VANGL1: variants seen among roughly 807,000 people sequenced by gnomAD.
The protein encoded by VANGL1 is vang-like protein 1.
VANGL1 carries 18 observed loss-of-function variants against 48.4 expected under a neutral mutation model. The observed-to-expected ratio is 0.37, with a 90% CI of 0.26 to 0.55. The LOEUF (loss-of-function observed/expected upper bound fraction) is 0.55. Among genes scored for constraint, VANGL1 ranks in the 20% least tolerant of loss-of-function variants. The pLI is 0.81. For synonymous variants in VANGL1, 257 were observed against 261.8 expected (o/e 0.98, Z 0.18); for missense variants, 667 against 675.8 (o/e 0.99, Z 0.14).
chr1:115,656,793 C>T (rs1441216859), intron 2 of VANGL1, among the ~76,000 whole-genome samples: 3 of 152,220 alleles, frequency 2.0e-5, no homozygotes, highest in South Asian at 4.1e-4. Flanking sequence ...CACCTGCTTT[C>T]TGCCCTGGTA....
chr1:115,674,268 G>A (rs189113918), intron 4 of VANGL1, among the ~76,000 whole-genome samples: 2,288 of 152,246 alleles, frequency 0.015, 58 homozygotes, highest in African/African-American at 0.052. Flanking sequence ...CTCTTCTCCT[G>A]GTGTACATGT....
Position 115,664,219 on chromosome 1 carries a change from G to C in VANGL1, c.763G>C (p.Val255Leu). The C allele has an allele frequency of 2.5e-6, 4 of 1,614,068 alleles. No individual in the cohort carries two copies. In the South Asian group the frequency reaches 3.3e-5, roughly 13 times the overall value. ...GCAGCCCATGTTCACGCTGCAGGTGGTCCGCTCCACCGATGGCGAGTCCCG... is the reference window on the plus strand; with the variant it reads ...GCAGCCCATGTTCACGCTGCAGGTGCTCCGCTCCACCGATGGCGAGTCCCG... ...QLQPMFTLQV[V>L]RSTDGESRFY... Residue 255 changes from valine to leucine, a missense_variant, in exon 4 of 8, where the codon GTC becomes CTC. Coordinates refer to ENST00000355485, the MANE Select transcript of VANGL1 (RefSeq NM_138959.3).
chr1:115,645,132 A>G (rs1651868375), intron 1 of VANGL1, among the ~76,000 whole-genome samples: 1 of 152,138 alleles, frequency 6.6e-6, no homozygotes, highest in African/African-American at 2.4e-5. Context: ...AAACCCACTA[A>G]AACACACACG....
chr1:115,666,194 T>C (rs550201201), intron 4 of VANGL1, among the ~76,000 whole-genome samples: 2 of 152,296 alleles, frequency 1.3e-5, no homozygotes, highest in South Asian at 2.1e-4. Context: ...GGTTTTGTTT[T>C]TTGGCCCTTA....
intron 7 of VANGL1, among the ~76,000 whole-genome samples, chr1:115,685,837 C>G (rs1016070115): frequency 2.6e-5 from 4 of 152,046 alleles, no homozygotes; most frequent in African/African-American, 9.7e-5. Flanking sequence ...TGAACTGATT[C>G]ATTCTAACCT....
rs991001647 is a variant in VANGL1 at position 115,695,215 on chromosome 1, C to A, written c.*3836C>A. ...ACCCTGGAAGCCTTACTAGATATTT[C>A]TTAAGGTAACTTAAAAATTGGGCTT... On this transcript the variant is annotated 3_prime_UTR_variant, in exon 8 of 8. Coordinates refer to ENST00000355485, the MANE Select transcript of VANGL1 (RefSeq NM_138959.3). 1.3e-5 allele frequency: 2 copies of A among 152,512 alleles called. No individual in the cohort carries two copies. The highest frequency in any genetic ancestry group is 2.9e-5 in the Non-Finnish European group (2 of 68,012). 9.4% of individuals were successfully genotyped at this position (152,512 alleles called of 1,614,324 possible). A position where few individuals can be genotyped will look rare whatever the true frequency, so the allele number is the denominator to read the frequency against.
rs756946644 is a variant in VANGL1, at chr1:115,687,938, G to GTAGGTAGATAGA, written c.1314+2414_1314+2415insGTAGATAGATAG. 2.2e-3 allele frequency among the ~76,000 whole-genome samples: 249 copies of GTAGGTAGATAGA among 112,704 alleles called. 29 individuals are homozygous for GTAGGTAGATAGA. Among genetic ancestry groups the GTAGGTAGATAGA allele is most frequent in the Middle Eastern group, 4.7e-3 (1 of 212 alleles). The allele number at this position is 112,704 out of a possible 152,430, so 73.9% of individuals were successfully genotyped here. ...CCGGCCTATATATATCATTCATTAG[G>GTAGGTAGATAGA]TAGATAGATAGATAGATAGATAGAT... On this transcript the variant is annotated intron_variant, in intron 7 of 7. Coordinates refer to ENST00000355485, the MANE Select transcript of VANGL1 (RefSeq NM_138959.3).
At chr1:115,673,941 A>G (rs1212374448) in intron 4 of VANGL1, among the ~76,000 whole-genome samples, 1 of 152,070 alleles carries the variant, frequency 6.6e-6, no homozygotes, top group Non-Finnish European at 1.5e-5. Context: ...CTCTACCTTA[A>G]CTAAACATAA....
intron 2 of VANGL1, among the ~76,000 whole-genome samples, chr1:115,651,772 T>G (rs1652155095): frequency 6.6e-6 from 1 of 152,176 alleles, no homozygotes. Flanking sequence ...TTTTTTTTTT[T>G]TTGAGACGGA....
At chr1:115,674,228 C>CA (rs1653085688) in intron 4 of VANGL1, among the ~76,000 whole-genome samples, 1 of 152,192 alleles carries the variant, frequency 6.6e-6, no homozygotes, top group Non-Finnish European at 1.5e-5. Context: ...GCTTTGCCCC[C>CA]ACTGTGGATT....
chr1:115,694,143 G>C lies in VANGL1; in HGVS notation c.*2764G>C, dbSNP rs1653949469. On this transcript the variant is annotated 3_prime_UTR_variant, in exon 8 of 8. Transcript: ENST00000355485. ...AAAAAGTTCTGTATGCATTCTCAGA[G>C]AGGATTTTAAAGCTATATAGTTCAT... The C allele has an allele frequency of 6.6e-6, 1 of 152,214 alleles. No homozygotes were observed. Among genetic ancestry groups the C allele is most frequent in the Non-Finnish European group, 1.5e-5 (1 of 68,038 alleles). 9.4% of individuals were successfully genotyped at this position (152,214 alleles called of 1,614,324 possible).
intron 4 of VANGL1, among the ~76,000 whole-genome samples, chr1:115,666,038 G>A (rs1168182505): frequency 1.3e-5 from 2 of 152,224 alleles, no homozygotes; most frequent in Non-Finnish European, 2.9e-5. Flanking sequence ...ATAAAGCCGA[G>A]CAGGAGACAG....
At chr1:115,655,184 A>C (rs1000681737) in intron 2 of VANGL1, among the ~76,000 whole-genome samples, 10 of 152,184 alleles carry the variant, frequency 6.6e-5, no homozygotes, top group African/African-American at 2.4e-4. Flanking sequence ...GCAGAGAGAA[A>C]GGACGGGTCG....
Position 115,691,213 on chromosome 1 carries a change from C to G in VANGL1, c.1409C>G (p.Ala470Gly), listed in dbSNP as rs1479609166. The stretch of plus-strand genomic sequence containing the variant: ...CAGTGGAGGCTTGTCAGTGATGAGG[C>G]TGTGACTAATGGATTACGGGATGGA... ...STQWRLVSDE[A>G]VTNGLRDGIV... The change falls in exon 8 of 8, where the codon GCT (alanine) becomes GGT (glycine). Residue 470 changes from alanine to glycine, a missense_variant. Transcript: ENST00000355485. The G allele has an allele frequency of 2.5e-6, 4 of 1,613,862 alleles. No homozygotes were observed. The highest frequency in any genetic ancestry group is 3.4e-6 in the Non-Finnish European group (4 of 1,179,780).
chr1:115,659,888 A>C (rs1375932769), intron 3 of VANGL1, 115 bp downstream of exon 3: 1 of 1,415,422 alleles, frequency 7.1e-7, no homozygotes, highest in African/African-American at 1.4e-5. Context: ...CATGCTAATT[A>C]GTTTATCTAT....
rs758450631 is a variant in VANGL1, at chr1:115,664,015, G to T, written c.559G>T (p.Ala187Ser). ...CATGCCACGGGTGTTTGTGTTTCGT[G>T]CCCTTTTGTTGGTCCTCATCTTTCT... The part of the protein sequence containing the change: ...ADMPRVFVFR[A>S]LLLVLIFLFV... Residue 187 changes from alanine to serine, a missense_variant, in exon 4 of 8, where the codon GCC (alanine) becomes TCC (serine). Ala to Ser is a moderately conservative substitution (Grantham distance 99). Coordinates refer to ENST00000355485, the MANE Select transcript of VANGL1 (RefSeq NM_138959.3). The T allele has an allele frequency of 1.9e-6, 3 of 1,614,166 alleles. No homozygotes were observed. The highest frequency in any genetic ancestry group is 1.1e-5 in the South Asian group (1 of 91,070).
At chr1:115,655,167 G>C (rs989623558) in intron 2 of VANGL1, among the ~76,000 whole-genome samples, 6 of 152,170 alleles carry the variant, frequency 3.9e-5, no homozygotes, top group African/African-American at 1.2e-4. Context: ...CCGGGCCCCA[G>C]CAGCCAGCAG....
At chr1:115,684,578 G>A (rs1282840789) in intron 6 of VANGL1, among the ~76,000 whole-genome samples, 2 of 152,168 alleles carry the variant, frequency 1.3e-5, no homozygotes, top group Non-Finnish European at 2.9e-5. Flanking sequence ...TCACTGGGAG[G>A]GCTGTTCAAA....
intron 4 of VANGL1, among the ~76,000 whole-genome samples, chr1:115,669,474 A>G (rs1387368303): frequency 1.3e-5 from 2 of 152,200 alleles, no homozygotes; most frequent in African/African-American, 2.4e-5. Context: ...TATAGCTCCC[A>G]TAATTCCCAC....
Sources: allele counts gnomAD v4.1 joint callset (sites outside exome capture counted in the v4.1 genomes callset), GRCh38; gene constraint gnomAD v4.1.1; transcripts MANE v1.5; gene names NCBI Gene and HGNC (gene_info 2026-07-23, HGNC 2026-07-21).